Variants in FANK1 observed in about 807,000 individuals in gnomAD.
FANK1 encodes fibronectin type III and ankyrin repeat domains 1, also known as fibronectin type 3 and ankyrin repeat domains protein 1.
Under a neutral mutation model 45.3 loss-of-function variants are expected in FANK1, and 44 were observed. The observed-to-expected ratio is 0.97, with a 90% CI of 0.76 to 1.25. The LOEUF is 1.25. FANK1 is among the 50% of genes most tolerant of loss of function. The pLI, the probability that FANK1 is intolerant of heterozygous loss-of-function variation, is 0.00. For synonymous variants in FANK1, 149 were observed against 152.5 expected (o/e 0.98, Z 0.17); for missense variants, 391 against 424.4 (o/e 0.92, Z 0.69).
At chr10:125,898,011 A>C (rs200395142) in intron 1 of FANK1, among the ~76,000 whole-genome samples, 3 of 124,236 alleles carry the variant, frequency 2.4e-5, no homozygotes, top group Admixed American at 7.8e-5. Context: ...AAAAAAAAAA[A>C]AAAAAAAAAA....
intron 1 of FANK1, among the ~76,000 whole-genome samples, chr10:125,909,045 C>G (rs965349251): frequency 5.9e-5 from 9 of 152,258 alleles, no homozygotes; most frequent in Admixed American, 5.9e-4. Context: ...AGACGGCTCA[C>G]TTAACATGGC....
At chr10:125,960,992 C>CA (rs1949889216) in intron 1 of FANK1, among the ~76,000 whole-genome samples, 1 of 152,174 alleles carries the variant, frequency 6.6e-6, no homozygotes, top group Non-Finnish European at 1.5e-5. Context: ...AAATATACTA[C>CA]AAAGCTGTAG....
intron 1 of FANK1, among the ~76,000 whole-genome samples, chr10:125,905,357 G>T (rs995049705): frequency 6.6e-6 from 1 of 152,290 alleles, no homozygotes; most frequent in East Asian, 1.9e-4. Context: ...TTTCATTGAA[G>T]AATTCACCAG....
At chr10:125,938,780 G>A (rs1948264775) in intron 1 of FANK1, among the ~76,000 whole-genome samples, 1 of 152,154 alleles carries the variant, frequency 6.6e-6, no homozygotes. Flanking sequence ...CTGCACTCCA[G>A]TCTGGGAGAC....
Position 125,907,220 on chromosome 10 carries a change from T to G in FANK1, c.13+10565T>G, listed in dbSNP as rs1945597245. ...GGCTTGCTTATAGTAAAACAAACTC[T>G]TTTTAGTATCTGTAGGATCTATAGT... On this transcript the variant is annotated intron_variant, in intron 1 of 10. Transcript: ENST00000368693. Among the ~76,000 whole-genome samples, 3 of 152,216 alleles carry G rather than the reference T, an allele frequency of 2.0e-5. No homozygotes were observed. The South Asian group carries it at 6.2e-4, about 31-fold the overall frequency.
chr10:125,969,505 G>C (rs995606798), intron 1 of FANK1, among the ~76,000 whole-genome samples: 2 of 152,094 alleles, frequency 1.3e-5, no homozygotes, highest in Non-Finnish European at 2.9e-5. Context: ...CTTGAATAGA[G>C]CATCTATAAA....
chr10:125,973,561 G>C, intron 1 of FANK1: 1 of 725,534 alleles, frequency 1.4e-6, no homozygotes, highest in Non-Finnish European at 1.7e-6. Flanking sequence ...CCCTGAAATT[G>C]GTTTCTCTAA....
intron 1 of FANK1, among the ~76,000 whole-genome samples, chr10:125,969,284 A>G (rs1950350088): frequency 6.6e-6 from 1 of 152,056 alleles, no homozygotes; most frequent in Admixed American, 6.5e-5. Flanking sequence ...AAAAGTTAAA[A>G]TAAAATTAAA....
intron 2 of FANK1, among the ~76,000 whole-genome samples, chr10:125,986,208 A>G (rs1951549015): frequency 6.6e-6 from 1 of 152,180 alleles, no homozygotes. Flanking sequence ...GACTGAATCC[A>G]CCAGCACAGA....
rs117103252 is a variant in FANK1 at position 125,994,778 on chromosome 10, T to G, written c.317-639T>G. 9.2e-5 allele frequency: 91 copies of G among 985,414 alleles called. No homozygotes were observed. The East Asian group carries it at 2.5e-3, about 27-fold the overall frequency. The allele number at this position is 985,414 out of a possible 1,614,324, so 61.0% of individuals were successfully genotyped here. ...GCTTCGCTGTGGAGCTGATGTCCCC[T>G]GTACAAAGGATGCCCTCCTCCCCGG... On this transcript the variant is annotated intron_variant, in intron 3 of 10. Coordinates refer to ENST00000368693, the MANE Select transcript of FANK1 (RefSeq NM_145235.5).
chr10:125,941,188 A>G (rs1358264434), intron 1 of FANK1, among the ~76,000 whole-genome samples: 1 of 152,236 alleles, frequency 6.6e-6, no homozygotes, highest in East Asian at 1.9e-4. Context: ...TATTTGCAAC[A>G]TATCTAACAG....
chr10:125,979,728 G>T, intron 1 of FANK1: 1 of 379,184 alleles, frequency 2.6e-6, no homozygotes, highest in South Asian at 2.0e-5. Flanking sequence ...TAGTTTCTGA[G>T]GGCTGTTTAT....
intron 3 of FANK1, chr10:125,994,927 G>T (rs1248664814): frequency 1.0e-6 from 1 of 985,082 alleles, no homozygotes; most frequent in African/African-American, 1.7e-5. Context: ...AAGCCCTTCT[G>T]CCCCCAGAAG....
chr10:125,972,448 A>C (rs1181801932), intron 1 of FANK1: 1 of 152,212 alleles, frequency 6.6e-6, no homozygotes, highest in Admixed American at 6.5e-5. Flanking sequence ...AGTAGAAAGT[A>C]TATGGGTTAA....
chr10:125,927,571 T>C (rs186103666), intron 1 of FANK1, among the ~76,000 whole-genome samples: 145 of 151,906 alleles, frequency 9.5e-4, no homozygotes, highest in African/African-American at 2.4e-3. Flanking sequence ...TTTTTTGAGA[T>C]GGAGTCTCAC....
chr10:125,942,813 C>CT (rs772933009), intron 1 of FANK1, among the ~76,000 whole-genome samples: 1,937 of 126,818 alleles, frequency 0.015, 47 homozygotes, highest in African/African-American at 0.042. Context: ...TTATAATTTG[C>CT]TTTTTTTTTT....
chr10:125,918,854 G>A (rs1225122541), intron 1 of FANK1, among the ~76,000 whole-genome samples: 1 of 151,746 alleles, frequency 6.6e-6, no homozygotes, highest in Non-Finnish European at 1.5e-5. Flanking sequence ...AGAAATTGCA[G>A]GGGAGAATCT....
intron 6 of FANK1, among the ~76,000 whole-genome samples, chr10:125,998,464 A>G (rs1379728912): frequency 6.6e-6 from 1 of 152,240 alleles, no homozygotes; most frequent in Non-Finnish European, 1.5e-5. Flanking sequence ...GTTTGAAAAG[A>G]AAAATAGCAA....
intron 1 of FANK1, among the ~76,000 whole-genome samples, chr10:125,964,677 A>G (rs1950115180): frequency 6.6e-6 from 1 of 152,196 alleles, no homozygotes; most frequent in Non-Finnish European, 1.5e-5. Flanking sequence ...CCATTTCAGT[A>G]GTTTTCCATT....
Sources: gnomAD v4.1 joint callset for allele counts (sites outside exome capture counted in the v4.1 genomes callset) on GRCh38, gnomAD v4.1.1 for gene constraint, MANE v1.5 for transcripts, NCBI Gene and HGNC (gene_info 2026-07-23, HGNC 2026-07-21) for gene names.